KLF8: variants seen among roughly 807,000 people sequenced by gnomAD.
KLF8 encodes the protein KLF transcription factor 8.
In KLF8, 10 loss-of-function variants were observed where a neutral mutation model predicts 18.2. The ratio of observed to expected loss-of-function variants is 0.55; its 90% CI spans 0.34 to 0.93. KLF8 has a LOEUF of 0.93. KLF8 is among the 40% of genes least tolerant of loss of function. KLF8 has a pLI of 0.02. For synonymous variants in KLF8, 109 were observed against 97.3 expected (o/e 1.12, Z -0.71); for missense variants, 264 against 277.9 (o/e 0.95, Z 0.36).
chrX:56,051,631 G>A, the KLF8 span, among the ~76,000 whole-genome samples: 2 of 111,365 alleles, frequency 1.8e-5, no homozygotes, highest in Non-Finnish European at 1.9e-5. Context: ...TTTCTGTTGA[G>A]AGATCCGCTG....
the KLF8 span, among the ~76,000 whole-genome samples, chrX:56,176,317 G>A: frequency 9.0e-6 from 1 of 111,545 alleles, no homozygotes; most frequent in Non-Finnish European, 1.9e-5. Context: ...AAATCTTTCA[G>A]CATTTGCTTG....
the KLF8 span, among the ~76,000 whole-genome samples, chrX:56,028,923 G>A: frequency 1.3e-4 from 14 of 111,206 alleles, no homozygotes; most frequent in Admixed American, 3.8e-4. Context: ...AGTCCTGTAC[G>A]GGCCGATAGT....
chrX:56,152,645 G>A, the KLF8 span, among the ~76,000 whole-genome samples: 8 of 111,309 alleles, frequency 7.2e-5, no homozygotes, highest in Admixed American at 4.8e-4. Flanking sequence ...AAACTTGGGT[G>A]GGGGTGAAGG....
the KLF8 span, among the ~76,000 whole-genome samples, chrX:56,224,465 T>C: frequency 8.9e-6 from 1 of 112,111 alleles, no homozygotes; most frequent in East Asian, 2.8e-4. Flanking sequence ...CAACTTGATT[T>C]TTTTATTATA....
the KLF8 span, among the ~76,000 whole-genome samples, chrX:55,998,508 C>T: frequency 8.9e-6 from 1 of 112,498 alleles, no homozygotes; most frequent in Non-Finnish European, 1.9e-5. Flanking sequence ...GAGCGTGTTG[C>T]CTTCAAGCAT....
chrX:56,038,577 A>G, the KLF8 span, among the ~76,000 whole-genome samples: 2 of 112,687 alleles, frequency 1.8e-5, no homozygotes, highest in Non-Finnish European at 3.7e-5. Context: ...ATAGCATTCC[A>G]TAGTTTATAT....
chrX:56,236,613 G>T (rs57353066), intron 1 of KLF8, among the ~76,000 whole-genome samples: 3 of 111,157 alleles, frequency 2.7e-5, no homozygotes, highest in Admixed American at 1.9e-4. Flanking sequence ...AAGCTCACAC[G>T]TGTTTTGTTT....
the KLF8 span, among the ~76,000 whole-genome samples, chrX:56,131,578 T>A: frequency 1.7e-4 from 18 of 108,143 alleles, 1 homozygote; most frequent in South Asian, 1.6e-3. Flanking sequence ...AAAATACAAT[T>A]AAAAAAAAAG....
chrX:55,992,512 C>A, the KLF8 span, among the ~76,000 whole-genome samples: 1 of 111,628 alleles, frequency 9.0e-6, no homozygotes, highest in Non-Finnish European at 1.9e-5. Context: ...CTTGTAATAC[C>A]ATTTAAGTCA....
the KLF8 span, among the ~76,000 whole-genome samples, chrX:55,946,497 G>A: frequency 8.1e-4 from 90 of 111,712 alleles, no homozygotes; most frequent in African/African-American, 2.9e-3. Context: ...AAGATGGATT[G>A]TCGACTTAAA....
the KLF8 span, among the ~76,000 whole-genome samples, chrX:56,208,582 G>GT: frequency 1.8e-5 from 2 of 110,595 alleles, no homozygotes; most frequent in Non-Finnish European, 3.8e-5. Flanking sequence ...AGATTTTCTT[G>GT]TTTTTTCATG....
chrX:55,954,478 A>T, the KLF8 span, among the ~76,000 whole-genome samples: 1 of 111,896 alleles, frequency 8.9e-6, no homozygotes, highest in Admixed American at 9.5e-5. Flanking sequence ...TGCAAACAAA[A>T]CCACAATGAG....
At chrX:55,935,203 G>A in the KLF8 span, among the ~76,000 whole-genome samples, 12 of 112,168 alleles carry the variant, frequency 1.1e-4, no homozygotes, top group African/African-American at 3.6e-4. Context: ...AATGTTAATT[G>A]TTACAAGTAC....
the KLF8 span, among the ~76,000 whole-genome samples, chrX:55,990,487 C>G: frequency 4.5e-5 from 5 of 112,125 alleles, no homozygotes; most frequent in South Asian, 1.9e-3. Context: ...GCAGGTTGTT[C>G]AGTTTACATG....
chrX:56,110,165 T>A, the KLF8 span, among the ~76,000 whole-genome samples: 14,126 of 111,563 alleles, frequency 0.13, 1,620 homozygotes, highest in African/African-American at 0.37. Flanking sequence ...GTACCACATT[T>A]TCTTTATCTG....
the KLF8 span, among the ~76,000 whole-genome samples, chrX:55,928,016 C>G: frequency 8.9e-6 from 1 of 112,086 alleles, no homozygotes; most frequent in Non-Finnish European, 1.9e-5. Flanking sequence ...TTCATTAATG[C>G]CTTTTTTACT....
the KLF8 span, among the ~76,000 whole-genome samples, chrX:55,913,787 CA>C: frequency 8.9e-6 from 1 of 111,775 alleles, no homozygotes; most frequent in Non-Finnish European, 1.9e-5. Context: ...TTACCAGAGG[CA>C]AGTAATGGGC....
At chrX:56,239,108 A>G (rs1244453117) in intron 1 of KLF8, among the ~76,000 whole-genome samples, 1 of 112,143 alleles carries the variant, frequency 8.9e-6, no homozygotes, top group Non-Finnish European at 1.9e-5. Flanking sequence ...TCCTCTCCCA[A>G]TTATTGCTCA....
At chrX:56,138,101 C>A in the KLF8 span, among the ~76,000 whole-genome samples, 1 of 96,975 alleles carries the variant, frequency 1.0e-5, no homozygotes, top group Admixed American at 1.1e-4. Context: ...TCTATGCACA[C>A]AAACTGGATG....
Sources: allele counts gnomAD v4.1 joint callset (sites outside exome capture counted in the v4.1 genomes callset), GRCh38; gene constraint gnomAD v4.1.1; transcripts MANE v1.5; gene names NCBI Gene and HGNC (gene_info 2026-07-23, HGNC 2026-07-21).